EPG5: variants seen among roughly 807,000 people sequenced by gnomAD.
The protein encoded by EPG5 is ectopic P-granules 5 autophagy tethering factor, also known as ectopic P granules protein 5 homolog.
In EPG5, 159 loss-of-function variants were observed where a neutral mutation model predicts 302.7. That is an observed-to-expected ratio of 0.53 (90% confidence interval 0.46 to 0.60). The LOEUF (loss-of-function observed/expected upper bound fraction) is 0.60. EPG5 is among the 20% of genes least tolerant of loss of function. The probability of loss-of-function intolerance (pLI) is 0.00; values close to 1 mark genes in which losing one functional copy is unlikely to be tolerated. For missense variants in EPG5, 2,896 were observed against 3,092.4 expected (o/e 0.94, Z 1.51); for synonymous variants, 1,158 against 1,136.8 (o/e 1.02, Z -0.37).
At chr18:45,825,784 A>T in the EPG5 span, 1 of 1,614,184 alleles carries the variant, frequency 6.2e-7, no homozygotes. Context: ...CCGACAGGTG[A>T]GTGTCTGCTA....
intron 1 of EPG5, among the ~76,000 whole-genome samples, chr18:45,956,919 C>A (rs1364408716): frequency 2.0e-5 from 3 of 151,040 alleles, no homozygotes; most frequent in Non-Finnish European, 2.9e-5. Flanking sequence ...GTTATGGTTT[C>A]AAAAAAACCT....
intron 16 of EPG5, among the ~76,000 whole-genome samples, chr18:45,920,831 G>A (rs998400191): frequency 3.3e-5 from 5 of 152,328 alleles, no homozygotes; most frequent in African/African-American, 9.6e-5. Context: ...TGCGACAGAT[G>A]TCTTGTCTAA....
the EPG5 span, chr18:45,837,703 C>T: frequency 2.0e-6 from 3 of 1,479,958 alleles, no homozygotes; most frequent in African/African-American, 2.9e-5. Flanking sequence ...CGCGGGGCAG[C>T]GAGCTCTGCC....
the EPG5 span, chr18:45,825,449 C>T: frequency 1.9e-6 from 1 of 527,486 alleles, no homozygotes. Context: ...CTGTTTCTTT[C>T]TCACCCTCTT....
intron 36 of EPG5, among the ~76,000 whole-genome samples, chr18:45,868,505 T>C (rs182375619): frequency 5.8e-4 from 88 of 151,682 alleles, no homozygotes; most frequent in Admixed American, 8.5e-4. Flanking sequence ...GCCCAGCTAA[T>C]TTTTTATTTT....
chr18:45,876,680 A>G (rs1262303892), intron 34 of EPG5, among the ~76,000 whole-genome samples: 1 of 152,118 alleles, frequency 6.6e-6, no homozygotes, highest in African/African-American at 2.4e-5. Context: ...AAACACCCTA[A>G]GTCAGCTTCA....
downstream of EPG5, among the ~76,000 whole-genome samples, chr18:45,845,407 C>T (rs1048872810): frequency 2.0e-5 from 3 of 152,182 alleles, no homozygotes; most frequent in Non-Finnish European, 2.9e-5. Context: ...CTGATAAAGC[C>T]GCTGCTCCTA....
chr18:45,885,260 A>C (rs1038595477), intron 29 of EPG5, among the ~76,000 whole-genome samples: 1 of 151,768 alleles, frequency 6.6e-6, no homozygotes, highest in Non-Finnish European at 1.5e-5. Flanking sequence ...AATTGCTTGA[A>C]CCCGGGAGGC....
intron 14 of EPG5, among the ~76,000 whole-genome samples, chr18:45,924,792 C>T (rs988341580): frequency 2.0e-5 from 3 of 152,218 alleles, no homozygotes; most frequent in Admixed American, 6.5e-5. Flanking sequence ...CAGTGGCACG[C>T]GCCTGTAATC....
At position 45,880,149 on chromosome 18, in the gene EPG5, A is replaced by G; in HGVS notation, c.5593T>C (p.Cys1865Arg). 1 of 1,611,798 alleles carries G rather than the reference A, an allele frequency of 6.2e-7. No homozygotes were observed. Residue 1865 changes from cysteine (C) to arginine (R), a missense_variant, in exon 32 of 44, where the codon TGC becomes CGC. Cys to Arg is a radical substitution (Grantham distance 180). This residue lies in a region of EPG5 where 790 missense variants were observed against 798.0 expected (regional missense o/e 0.99). Coordinates refer to ENST00000282041, the MANE Select transcript of EPG5 (RefSeq NM_020964.3). The part of the protein sequence containing the change: ...LRALGCCAPS[C>R]QQGAASTEGA... ...TCGGTGGACGCTGCCCCCTGCTGGC[A>G]GCTGGGGGCGCAGCAGCCCAGGGCT...
rs780385789 is a variant in EPG5, at chr18:45,967,186, A to C, written c.54T>G (p.Thr18=). The change falls in exon 1 of 44, where the codon ACT becomes ACG. Residue 18 remains threonine (T), a synonymous_variant. Coordinates refer to ENST00000282041, the MANE Select transcript of EPG5 (RefSeq NM_020964.3). The stretch of plus-strand genomic sequence containing the variant: ...TGGGGGAGATCCTCACCTTTGTTTT[A>C]GTCCGGCTGGCCTTGGCCTTGGCCC... ...QRRAKAKASR[T]KTKEKKKYET... The C allele has an allele frequency of 6.2e-7, 1 of 1,603,620 alleles. No individual in the cohort carries two copies. The highest frequency in any genetic ancestry group is 8.5e-7 in the Non-Finnish European group (1 of 1,175,190).
intron 27 of EPG5, among the ~76,000 whole-genome samples, chr18:45,890,629 A>AT (rs1487589636): frequency 2.0e-5 from 3 of 152,142 alleles, no homozygotes; most frequent in Non-Finnish European, 4.4e-5. Flanking sequence ...CTTTTTTAAG[A>AT]TTAGCCTTTC....
chr18:45,835,033 G>T, the EPG5 span, among the ~76,000 whole-genome samples: 4 of 151,934 alleles, frequency 2.6e-5, no homozygotes, highest in Non-Finnish European at 5.9e-5. Context: ...GAGATAAAAT[G>T]TTAGGTCCTC....
intron 11 of EPG5, among the ~76,000 whole-genome samples, chr18:45,933,259 A>G (rs529196460): frequency 2.6e-5 from 4 of 152,328 alleles, no homozygotes; most frequent in Admixed American, 1.3e-4. Flanking sequence ...ACAAAGAATA[A>G]TAATATAAGG....
At chr18:45,867,107 G>A (rs970552149) in intron 37 of EPG5, 100 bp from the exon 38 acceptor site, 1 of 782,528 alleles carries the variant, frequency 1.3e-6, no homozygotes, top group Non-Finnish European at 2.1e-6. Context: ...GATGGCCTAT[G>A]GTAAGCACAG....
At chr18:45,964,281 T>C (rs1242164948) in intron 1 of EPG5, among the ~76,000 whole-genome samples, 2 of 152,214 alleles carry the variant, frequency 1.3e-5, no homozygotes, top group Non-Finnish European at 2.9e-5. Flanking sequence ...ACAAAAGACA[T>C]ACAGATACAT....
intron 36 of EPG5, among the ~76,000 whole-genome samples, chr18:45,868,677 C>T (rs932529315): frequency 6.6e-6 from 1 of 151,102 alleles, no homozygotes; most frequent in Non-Finnish European, 1.5e-5. Context: ...CCTATATTCC[C>T]TTTTTAATGT....
chr18:45,840,543 A>T, the EPG5 span, among the ~76,000 whole-genome samples: 1 of 152,120 alleles, frequency 6.6e-6, no homozygotes, highest in African/African-American at 2.4e-5. Flanking sequence ...CACATTGGGG[A>T]CACTCATCCC....
chr18:45,855,998 T>G (rs1044126449), intron 42 of EPG5, among the ~76,000 whole-genome samples: 3 of 152,222 alleles, frequency 2.0e-5, no homozygotes, highest in African/African-American at 7.2e-5. Flanking sequence ...TGGCAGTTCC[T>G]CAACAAGTGA....
Sources: gnomAD v4.1 joint callset for allele counts (sites outside exome capture counted in the v4.1 genomes callset) on GRCh38, gnomAD v4.1.1 for gene constraint, gnomAD v4.1.1 regional missense constraint, MANE v1.5 for transcripts, NCBI Gene and HGNC (gene_info 2026-07-23, HGNC 2026-07-21) for gene names.